The following SYNPO2 variants were observed in gnomAD, a reference collection of about 807,000 sequenced individuals.
SYNPO2 encodes synaptopodin-2.
A neutral mutation model predicts 85.0 loss-of-function variants in SYNPO2; 56 were observed. The ratio of observed to expected loss-of-function variants is 0.66; its 90% CI spans 0.53 to 0.82. The LOEUF is 0.82. SYNPO2 is among the 40% of genes least tolerant of loss of function. The probability of loss-of-function intolerance (pLI) is 0.00; values close to 1 mark genes in which losing one functional copy is unlikely to be tolerated. For synonymous variants in SYNPO2, 602 were observed against 591.1 expected (o/e 1.02, Z -0.27); for missense variants, 1,575 against 1,534.2 (o/e 1.03, Z -0.44).
chr4:119,001,512 A>C (rs1736823087), intron 1 of SYNPO2, among the ~76,000 whole-genome samples: 1 of 152,234 alleles, frequency 6.6e-6, no homozygotes, highest in Non-Finnish European at 1.5e-5. Context: ...TAGAAAGTCA[A>C]GGCAACTTTT....
At chr4:118,905,743 GCT>G (rs767298085) in intron 1 of SYNPO2, among the ~76,000 whole-genome samples, 32 of 152,154 alleles carry the variant, frequency 2.1e-4, no homozygotes, top group Admixed American at 4.6e-4. Context: ...TAGTGAGGCT[GCT>G]CTCATGTTCT....
intron 1 of SYNPO2, among the ~76,000 whole-genome samples, chr4:118,963,231 C>T (rs887552357): frequency 2.6e-4 from 39 of 152,198 alleles, no homozygotes; most frequent in Non-Finnish European, 4.4e-5. Flanking sequence ...AGTGAGTATA[C>T]AGACCAGTAG....
chr4:118,893,156 C>T (rs1732431401), intron 1 of SYNPO2, among the ~76,000 whole-genome samples: 1 of 151,590 alleles, frequency 6.6e-6, no homozygotes, highest in Non-Finnish European at 1.5e-5. Flanking sequence ...GATTTTAAGC[C>T]CTTTCTAGGA....
chr4:118,931,472 T>G (rs1019935167), intron 1 of SYNPO2, among the ~76,000 whole-genome samples: 4 of 152,178 alleles, frequency 2.6e-5, no homozygotes, highest in African/African-American at 9.6e-5. Flanking sequence ...GTGAAAAAAT[T>G]TATACAATAT....
At chr4:119,029,454 G>A (rs1738118282) in intron 3 of SYNPO2, among the ~76,000 whole-genome samples, 1 of 152,050 alleles carries the variant, frequency 6.6e-6, no homozygotes, top group South Asian at 2.1e-4. Flanking sequence ...ATGGAAGTAT[G>A]AGATATGTCT....
intron 1 of SYNPO2, among the ~76,000 whole-genome samples, chr4:118,959,085 G>C (rs1349402635): frequency 6.6e-6 from 1 of 152,144 alleles, no homozygotes; most frequent in Non-Finnish European, 1.5e-5. Flanking sequence ...TGACTACAAA[G>C]TTGTTGGTAA....
chr4:118,889,066 C>T lies in SYNPO2; in HGVS notation c.30C>T (p.Ser10=), dbSNP rs756307980. 5 of 1,614,046 alleles carry T rather than the reference C, an allele frequency of 3.1e-6. No individual in the cohort carries two copies. The South Asian group carries it at 5.5e-5, about 18-fold the overall frequency. MGTGDFICI[S]MTGGAPWGFR... ...GCACAGGGGATTTTATCTGCATTTC[C>T]ATGACTGGAGGGGCGCCCTGGGGGT... Residue 10 remains serine, a synonymous_variant, in exon 1 of 5, where the codon TCC becomes TCT. Transcript: ENST00000307142.
chr4:118,861,191 C>T (rs568938427), intron 1 of SYNPO2, among the ~76,000 whole-genome samples: 1 of 152,148 alleles, frequency 6.6e-6, no homozygotes, highest in African/African-American at 2.4e-5. Flanking sequence ...GATGGAGTCT[C>T]ACTCTGTCAC....
intron 1 of SYNPO2, among the ~76,000 whole-genome samples, chr4:118,940,520 T>C (rs1347405086): frequency 6.6e-6 from 1 of 151,566 alleles, no homozygotes; most frequent in African/African-American, 2.4e-5. Flanking sequence ...ATTTGACAAA[T>C]ATGTATTGAA....
At chr4:118,988,280 T>A (rs1420371854) in intron 1 of SYNPO2, among the ~76,000 whole-genome samples, 1 of 152,180 alleles carries the variant, frequency 6.6e-6, no homozygotes, top group Non-Finnish European at 1.5e-5. Context: ...TATTGTACAC[T>A]GTCATGTTTT....
chr4:118,900,687 CTCTCTCTCTCTCTCTCTATATATA>C (rs1197619002), intron 1 of SYNPO2, among the ~76,000 whole-genome samples: 13 of 46,126 alleles, frequency 2.8e-4, no homozygotes, highest in Non-Finnish European at 4.0e-4. Context: ...CTCTCTCTCT[CTCTCTCTCTCTCTCTCTATATATA>C]TATATATATA....
At chr4:118,900,703 CTATA>C (rs373144800) in intron 1 of SYNPO2, among the ~76,000 whole-genome samples, 153 of 43,818 alleles carry the variant, frequency 3.5e-3, no homozygotes, top group Non-Finnish European at 4.3e-3. Flanking sequence ...CTCTCTCTCT[CTATA>C]TATATATATA....
At chr4:118,969,087 T>C (rs1735428147) in intron 1 of SYNPO2, among the ~76,000 whole-genome samples, 1 of 152,186 alleles carries the variant, frequency 6.6e-6, no homozygotes, top group Admixed American at 6.5e-5. Context: ...ACACGAATCA[T>C]TAGTTAACCT....
At chr4:119,040,828 G>A (rs576146939) in intron 4 of SYNPO2, among the ~76,000 whole-genome samples, 1 of 152,340 alleles carries the variant, frequency 6.6e-6, no homozygotes, top group East Asian at 1.9e-4. Context: ...TGACCTAGGA[G>A]GGCGCAGCTC....
At chr4:118,878,426 C>A (rs986309319) in intron 1 of SYNPO2, among the ~76,000 whole-genome samples, 1 of 152,162 alleles carries the variant, frequency 6.6e-6, no homozygotes, top group Non-Finnish European at 1.5e-5. Context: ...CAATTTACTT[C>A]AACCCTAGTT....
chr4:119,042,881 A>C (rs1484704587), intron 4 of SYNPO2: 1 of 152,224 alleles, frequency 6.6e-6, no homozygotes, highest in Non-Finnish European at 1.5e-5. Flanking sequence ...ACGTGTTGGA[A>C]GTTCTGTGAT....
intron 1 of SYNPO2, among the ~76,000 whole-genome samples, chr4:119,004,411 G>T (rs1736942187): frequency 6.9e-6 from 1 of 144,440 alleles, no homozygotes; most frequent in Non-Finnish European, 1.5e-5. Context: ...GGTGTGTGAT[G>T]TTCCCCTTCC....
chr4:119,035,858 G>T (rs978593425), intron 4 of SYNPO2: 1 of 985,180 alleles, frequency 1.0e-6, no homozygotes, highest in Non-Finnish European at 1.2e-6. Flanking sequence ...ATTGAAAGGG[G>T]GTAGACTAAC....
At chr4:118,916,729 C>CTTTTTTTTTTTTTTTTTTTTTTT (rs199715189) in intron 1 of SYNPO2, among the ~76,000 whole-genome samples, 4 of 117,024 alleles carry the variant, frequency 3.4e-5, no homozygotes, top group African/African-American at 6.5e-5. Flanking sequence ...ATTTTTCTTT[C>CTTTTTTTTTTTTTTTTTTTTTTT]TTTTTTTTTT....
Sources: gnomAD v4.1 joint callset for allele counts (sites outside exome capture counted in the v4.1 genomes callset) on GRCh38, gnomAD v4.1.1 for gene constraint, MANE v1.5 for transcripts, NCBI Gene and HGNC (gene_info 2026-07-23, HGNC 2026-07-21) for gene names.